Variants in ST6GALNAC3 observed in about 807,000 individuals in gnomAD.
ST6GALNAC3 encodes alpha-N-acetylgalactosaminide alpha-2,6-sialyltransferase 3.
A neutral mutation model predicts 32.7 loss-of-function variants in ST6GALNAC3; 25 were observed. That is an observed-to-expected ratio of 0.76 (90% CI 0.56 to 1.07). ST6GALNAC3 has a LOEUF of 1.07. ST6GALNAC3 is among the 50% of genes least tolerant of loss of function. The pLI, the probability that ST6GALNAC3 is intolerant of heterozygous loss-of-function variation, is 0.00. For synonymous variants in ST6GALNAC3, 129 were observed against 133.1 expected, an observed-to-expected ratio of 0.97 and a Z score of 0.21; for missense variants, 355 against 382.4, an observed-to-expected ratio of 0.93 and a Z score of 0.60.
At chr1:76,082,983 C>A (rs749702639) in intron 1 of ST6GALNAC3, among the ~76,000 whole-genome samples, 4 of 151,866 alleles carry the variant, frequency 2.6e-5, no homozygotes, top group South Asian at 4.2e-4. Flanking sequence ...TGAAAACTAT[C>A]GCACGTAAAA....
rs531288871 is a variant in ST6GALNAC3, at chr1:76,296,478, C to T, written c.19-17327C>T. Among the ~76,000 whole-genome samples, 37 of 152,192 alleles carry T rather than the reference C, an allele frequency of 2.4e-4. 1 individual carries two copies. Among genetic ancestry groups the T allele is most frequent in the Admixed American group, 2.3e-3 (35 of 15,274 alleles). On this transcript the variant is annotated intron_variant, in intron 1 of 4. Transcript: ENST00000328299. ...CTGGACTTCTTTTCTCCCATCGACC[C>T]TTCTCTTCTTCTATTCGTCAATTCT...
At chr1:76,124,712 C>G (rs1430125169) in intron 1 of ST6GALNAC3, among the ~76,000 whole-genome samples, 1 of 152,186 alleles carries the variant, frequency 6.6e-6, no homozygotes, top group Admixed American at 6.5e-5. Flanking sequence ...TGTCTGCTAC[C>G]TAGGCCTTTC....
chr1:76,158,787 G>C (rs944630456), intron 1 of ST6GALNAC3, among the ~76,000 whole-genome samples: 1 of 152,154 alleles, frequency 6.6e-6, no homozygotes, highest in Non-Finnish European at 1.5e-5. Flanking sequence ...TCTAATAATA[G>C]TTCTTGATAT....
At chr1:76,367,139 TG>T (rs1650436251) in intron 2 of ST6GALNAC3, among the ~76,000 whole-genome samples, 3 of 152,186 alleles carry the variant, frequency 2.0e-5, no homozygotes, top group Admixed American at 2.0e-4. Flanking sequence ...CAAAAACATA[TG>T]GCTCATTATT....
At chr1:76,139,189 G>T (rs377067309) in intron 1 of ST6GALNAC3, among the ~76,000 whole-genome samples, 1 of 149,030 alleles carries the variant, frequency 6.7e-6, no homozygotes, top group Non-Finnish European at 1.5e-5. Flanking sequence ...GCGAGACTCC[G>T]TCTCAATGGA....
chr1:76,397,061 G>T (rs1653021711), intron 2 of ST6GALNAC3, among the ~76,000 whole-genome samples: 1 of 152,182 alleles, frequency 6.6e-6, no homozygotes, highest in Middle Eastern at 3.4e-3. Flanking sequence ...ATATCTAGAA[G>T]AAGATTTAAA....
At chr1:76,441,755 C>A (rs915037784) in intron 3 of ST6GALNAC3, among the ~76,000 whole-genome samples, 1 of 152,064 alleles carries the variant, frequency 6.6e-6, no homozygotes, top group South Asian at 2.1e-4. Context: ...ATTCCCACCT[C>A]CCCCCACCCT....
intron 1 of ST6GALNAC3, among the ~76,000 whole-genome samples, chr1:76,297,507 A>G (rs138736785): frequency 5.1e-4 from 77 of 152,214 alleles, no homozygotes; most frequent in Admixed American, 1.4e-3. Context: ...GACACATGAC[A>G]TAAGTATAGA....
chr1:76,183,862 A>ATATATATATG (rs1653351924), intron 1 of ST6GALNAC3, among the ~76,000 whole-genome samples: 1 of 145,788 alleles, frequency 6.9e-6, no homozygotes, highest in Non-Finnish European at 1.5e-5. Context: ...ATATATATAT[A>ATATATATATG]TATATATATA....
At chr1:76,316,127 A>G (rs1360048455) in intron 2 of ST6GALNAC3, among the ~76,000 whole-genome samples, 2 of 152,150 alleles carry the variant, frequency 1.3e-5, no homozygotes, top group African/African-American at 2.4e-5. Context: ...GTCTGACAAT[A>G]CCAAGTGTTG....
At chr1:76,615,304 T>G (rs994683350) in intron 3 of ST6GALNAC3, among the ~76,000 whole-genome samples, 1 of 152,178 alleles carries the variant, frequency 6.6e-6, no homozygotes, top group African/African-American at 2.4e-5. Flanking sequence ...TTTTATCATC[T>G]TGGCCTGATT....
chr1:76,428,746 G>T (rs887428551), intron 3 of ST6GALNAC3, among the ~76,000 whole-genome samples: 9 of 152,074 alleles, frequency 5.9e-5, no homozygotes, highest in African/African-American at 2.2e-4. Flanking sequence ...GACAATGAAA[G>T]AACTCATTAT....
chr1:76,369,616 T>A (rs913656581), intron 2 of ST6GALNAC3, among the ~76,000 whole-genome samples: 2 of 152,118 alleles, frequency 1.3e-5, no homozygotes, highest in Non-Finnish European at 2.9e-5. Flanking sequence ...ATGCTGCTGG[T>A]GCTGTGATAG....
At chr1:76,100,009 T>A (rs1277326201) in intron 1 of ST6GALNAC3, among the ~76,000 whole-genome samples, 2 of 152,144 alleles carry the variant, frequency 1.3e-5, no homozygotes, top group African/African-American at 4.8e-5. Flanking sequence ...TATTGTTAAG[T>A]ATTTATGATA....
At chr1:76,318,306 T>G (rs1646905012) in intron 2 of ST6GALNAC3, among the ~76,000 whole-genome samples, 1 of 152,134 alleles carries the variant, frequency 6.6e-6, no homozygotes, top group African/African-American at 2.4e-5. Flanking sequence ...TGATTGGCTT[T>G]AACTCTTTAC....
chr1:76,390,471 T>G (rs1652446961), intron 2 of ST6GALNAC3, among the ~76,000 whole-genome samples: 1 of 152,240 alleles, frequency 6.6e-6, no homozygotes, highest in Non-Finnish European at 1.5e-5. Flanking sequence ...ATTCCAAAAC[T>G]TAGCTACAGT....
intron 1 of ST6GALNAC3, among the ~76,000 whole-genome samples, chr1:76,122,487 T>C (rs1489337066): frequency 6.6e-6 from 1 of 152,216 alleles, no homozygotes; most frequent in Non-Finnish European, 1.5e-5. Context: ...GTCCACTCTC[T>C]GGCAAAGCAC....
At chr1:76,101,971 T>C (rs1647243514) in intron 1 of ST6GALNAC3, among the ~76,000 whole-genome samples, 1 of 152,066 alleles carries the variant, frequency 6.6e-6, no homozygotes, top group East Asian at 1.9e-4. Context: ...TTGAGTGCAA[T>C]GTTCTATATG....
intron 1 of ST6GALNAC3, among the ~76,000 whole-genome samples, chr1:76,143,399 G>A (rs575168187): frequency 7.1e-4 from 106 of 148,588 alleles, no homozygotes; most frequent in Middle Eastern, 3.7e-3. Flanking sequence ...AGTCGTGTGT[G>A]TGTGTGTGTG....
Sources: gnomAD v4.1 joint callset for allele counts (sites outside exome capture counted in the v4.1 genomes callset) on GRCh38, gnomAD v4.1.1 for gene constraint, MANE v1.5 for transcripts, NCBI Gene and HGNC (gene_info 2026-07-23, HGNC 2026-07-21) for gene names.